The following SLC25A21 variants were observed in gnomAD, a reference collection of about 807,000 sequenced individuals.
SLC25A21 encodes solute carrier family 25 member 21, also known as mitochondrial 2-oxodicarboxylate carrier.
Under a neutral mutation model 43.8 loss-of-function variants are expected in SLC25A21, and 47 were observed. The ratio of observed to expected loss-of-function variants is 1.07; its 90% CI spans 0.85 to 1.37. SLC25A21 has a LOEUF of 1.37. Among genes scored for constraint, SLC25A21 ranks in the 40% most tolerant of loss-of-function variants. The probability of loss-of-function intolerance (pLI) is 0.00; values close to 1 mark genes in which losing one functional copy is unlikely to be tolerated. For missense variants in SLC25A21, 352 were observed against 350.2 expected (o/e 1.00, Z -0.04); for synonymous variants, 131 against 121.3 (o/e 1.08, Z -0.52).
chr14:36,933,166 A>G (rs1892336692), intron 1 of SLC25A21, among the ~76,000 whole-genome samples: 1 of 152,182 alleles, frequency 6.6e-6, no homozygotes, highest in Non-Finnish European at 1.5e-5. Context: ...AATTAGCTGC[A>G]TGACTGACAG....
At chr14:37,016,656 G>T (rs1315326486) in intron 1 of SLC25A21, among the ~76,000 whole-genome samples, 1 of 152,014 alleles carries the variant, frequency 6.6e-6, no homozygotes, top group Admixed American at 6.6e-5. Flanking sequence ...AAGCTTTGAA[G>T]CCAGGCAATG....
intron 2 of SLC25A21, among the ~76,000 whole-genome samples, chr14:36,865,019 TTTTC>T (rs543384238): frequency 7.2e-4 from 110 of 152,014 alleles, no homozygotes; most frequent in African/African-American, 2.3e-3. Context: ...GATTCCTTTC[TTTTC>T]TTTCTTTCTT....
chr14:36,689,084 G>A (rs1183107516), intron 7 of SLC25A21, among the ~76,000 whole-genome samples: 1 of 152,204 alleles, frequency 6.6e-6, no homozygotes, highest in African/African-American at 2.4e-5. Flanking sequence ...AAAGAAAGAG[G>A]TTTAACTGGA....
At chr14:37,051,119 C>T (rs1034475848) in intron 1 of SLC25A21, among the ~76,000 whole-genome samples, 1 of 152,174 alleles carries the variant, frequency 6.6e-6, no homozygotes, top group African/African-American at 2.4e-5. Context: ...TGTATATAAG[C>T]TCCATGAGGA....
rs533053975 is a variant in SLC25A21, at chr14:37,108,202, A to G, written c.70+64079T>C. 2.8e-3 allele frequency among the ~76,000 whole-genome samples: 420 copies of G among 152,358 alleles called. 1 individual carries two copies. Among genetic ancestry groups the G allele is most frequent in the Non-Finnish European group, 4.2e-3 (288 of 68,034 alleles). ...TTTTCAAGTGTTATACATGTCAGAT[A>G]GCTGTAAAGGGAACTTCTACAACTT... is the stretch of plus-strand genomic sequence containing the variant. On this transcript the variant is annotated intron_variant, in intron 1 of 9. Coordinates refer to ENST00000331299, the MANE Select transcript of SLC25A21 (RefSeq NM_030631.4).
chr14:37,132,230 T>C (rs1489433997), intron 1 of SLC25A21, among the ~76,000 whole-genome samples: 1 of 152,148 alleles, frequency 6.6e-6, no homozygotes, highest in African/African-American at 2.4e-5. Flanking sequence ...AGGTCCCACT[T>C]TCAAACATTG....
At chr14:36,706,046 G>A (rs1426000983) in intron 7 of SLC25A21, among the ~76,000 whole-genome samples, 1 of 152,142 alleles carries the variant, frequency 6.6e-6, no homozygotes, top group Non-Finnish European at 1.5e-5. Context: ...TGGTTTCCCA[G>A]TTTTGAATCA....
chr14:36,883,197 A>G (rs2138570971), intron 1 of SLC25A21, among the ~76,000 whole-genome samples: 1 of 152,192 alleles, frequency 6.6e-6, no homozygotes, highest in South Asian at 2.1e-4. Context: ...CCCCAGCTTC[A>G]TTACTCCTCT....
At chr14:36,821,484 C>A (rs1888632385) in intron 2 of SLC25A21, among the ~76,000 whole-genome samples, 1 of 152,016 alleles carries the variant, frequency 6.6e-6, no homozygotes, top group African/African-American at 2.4e-5. Flanking sequence ...AAAAATTTAG[C>A]TGTGGGTATT....
At chr14:36,925,950 C>G (rs941400756) in intron 1 of SLC25A21, among the ~76,000 whole-genome samples, 1 of 152,096 alleles carries the variant, frequency 6.6e-6, no homozygotes, top group Non-Finnish European at 1.5e-5. Flanking sequence ...CAGTTGTCAG[C>G]TGAAGACAGA....
intron 1 of SLC25A21, among the ~76,000 whole-genome samples, chr14:37,131,555 T>A (rs1387590324): frequency 6.6e-6 from 1 of 152,198 alleles, no homozygotes; most frequent in Non-Finnish European, 1.5e-5. Context: ...ACTTGTGGAT[T>A]TTTTTCACAA....
At chr14:36,904,493 A>G (rs1416159645) in intron 1 of SLC25A21, among the ~76,000 whole-genome samples, 1 of 152,118 alleles carries the variant, frequency 6.6e-6, no homozygotes, top group Non-Finnish European at 1.5e-5. Flanking sequence ...GAAGTTCTTG[A>G]TTTTTCTCCC....
intron 1 of SLC25A21, among the ~76,000 whole-genome samples, chr14:36,897,993 G>C (rs145785829): frequency 4.6e-3 from 704 of 152,360 alleles, no homozygotes; most frequent in Non-Finnish European, 8.1e-3. Context: ...GGACCCACTT[G>C]AGGAGGCAGT....
chr14:37,099,055 G>A (rs941755663), intron 1 of SLC25A21, among the ~76,000 whole-genome samples: 10 of 151,850 alleles, frequency 6.6e-5, no homozygotes, highest in Non-Finnish European at 1.0e-4. Flanking sequence ...CGCCTGCCTC[G>A]GCCTCCCAAA....
chr14:36,943,901 G>A (rs770633738), intron 1 of SLC25A21, among the ~76,000 whole-genome samples: 7 of 151,994 alleles, frequency 4.6e-5, no homozygotes, highest in Non-Finnish European at 1.0e-4. Context: ...CCTGTAACAA[G>A]TTTAATTAAT....
intron 2 of SLC25A21, among the ~76,000 whole-genome samples, chr14:36,821,391 T>C (rs894042995): frequency 2.6e-5 from 4 of 152,198 alleles, no homozygotes; most frequent in African/African-American, 9.6e-5. Context: ...GGGTGGGGGA[T>C]GCCTTCCTTC....
intron 3 of SLC25A21, among the ~76,000 whole-genome samples, chr14:36,755,787 G>C (rs1416813502): frequency 6.6e-6 from 1 of 152,122 alleles, no homozygotes; most frequent in African/African-American, 2.4e-5. Context: ...CTGGCCACCA[G>C]CTCCACAGCA....
At chr14:37,067,098 G>C (rs974459208) in intron 1 of SLC25A21, among the ~76,000 whole-genome samples, 1 of 152,118 alleles carries the variant, frequency 6.6e-6, no homozygotes, top group Non-Finnish European at 1.5e-5. Flanking sequence ...TATTTAACTA[G>C]AGTTCCAGAA....
At chr14:37,138,810 T>C (rs529512868) in intron 1 of SLC25A21, among the ~76,000 whole-genome samples, 2 of 152,230 alleles carry the variant, frequency 1.3e-5, no homozygotes, top group Non-Finnish European at 2.9e-5. Flanking sequence ...ATTTTAAATG[T>C]TTATATTCTA....
Sources: allele counts gnomAD v4.1 joint callset (sites outside exome capture counted in the v4.1 genomes callset), GRCh38; gene constraint gnomAD v4.1.1; transcripts MANE v1.5; gene names NCBI Gene and HGNC (gene_info 2026-07-23, HGNC 2026-07-21).